Variants in CLSTN2 observed in about 807,000 individuals in gnomAD.
CLSTN2 encodes calsyntenin-2.
Under a neutral mutation model 101.2 loss-of-function variants are expected in CLSTN2, and 48 were observed. The observed-to-expected ratio is 0.47, with a 90% CI of 0.38 to 0.60. The LOEUF is 0.60. Ranked by LOEUF, CLSTN2 falls within the 20% of genes least tolerant of loss-of-function variation. The pLI is 0.00. For synonymous variants in CLSTN2, 481 were observed against 463.6 expected (o/e 1.04, Z -0.48); for missense variants, 1,160 against 1,238.2 (o/e 0.94, Z 0.95).
chr3:140,010,794 A>T (rs1241190321), intron 1 of CLSTN2, among the ~76,000 whole-genome samples: 1 of 152,262 alleles, frequency 6.6e-6, no homozygotes, highest in Non-Finnish European at 1.5e-5. Flanking sequence ...TTCATGTAGA[A>T]AATTTGAAAA....
intron 11 of CLSTN2, chr3:140,556,922 A>G: frequency 2.4e-6 from 1 of 409,798 alleles, no homozygotes; most frequent in Non-Finnish European, 4.4e-6. Flanking sequence ...ACTACTTTCT[A>G]TAAATTCTCA....
intron 1 of CLSTN2, among the ~76,000 whole-genome samples, chr3:140,052,324 A>G (rs2107768889): frequency 6.6e-6 from 1 of 152,224 alleles, no homozygotes; most frequent in Admixed American, 6.5e-5. Flanking sequence ...AAAACCAGCT[A>G]ATTTTTGTAT....
chr3:140,354,766 A>G (rs1401241290), intron 2 of CLSTN2, among the ~76,000 whole-genome samples: 1 of 152,236 alleles, frequency 6.6e-6, no homozygotes, highest in African/African-American at 2.4e-5. Context: ...TACCTTTTGT[A>G]TAAGACAGAC....
chr3:140,314,722 A>G (rs1242612623), intron 2 of CLSTN2, among the ~76,000 whole-genome samples: 1 of 152,172 alleles, frequency 6.6e-6, no homozygotes, highest in Non-Finnish European at 1.5e-5. Flanking sequence ...TTTTGAGTCT[A>G]ATAGTGGACA....
At chr3:140,371,475 T>C (rs1212515361) in intron 2 of CLSTN2, among the ~76,000 whole-genome samples, 1 of 152,168 alleles carries the variant, frequency 6.6e-6, no homozygotes, top group African/African-American at 2.4e-5. Context: ...CTGACCTTCC[T>C]CAGGGCTGGC....
chr3:140,424,875 T>G (rs1225557464), intron 5 of CLSTN2, among the ~76,000 whole-genome samples: 1 of 151,632 alleles, frequency 6.6e-6, no homozygotes, highest in African/African-American at 2.4e-5. Flanking sequence ...GAGGGGCCTG[T>G]GGTAGGGGAG....
At chr3:140,122,491 A>G (rs1286223219) in intron 1 of CLSTN2, among the ~76,000 whole-genome samples, 1 of 152,254 alleles carries the variant, frequency 6.6e-6, no homozygotes, top group Non-Finnish European at 1.5e-5. Flanking sequence ...GTTAGATAAT[A>G]AAGAATGCCT....
At chr3:140,244,019 A>G (rs2086493640) in intron 2 of CLSTN2, among the ~76,000 whole-genome samples, 3 of 152,174 alleles carry the variant, frequency 2.0e-5, no homozygotes, top group Admixed American at 2.0e-4. Flanking sequence ...CTCTCCTGTC[A>G]GGAGTTGTGT....
intron 4 of CLSTN2, among the ~76,000 whole-genome samples, chr3:140,415,649 G>A (rs902715102): frequency 3.3e-5 from 5 of 152,098 alleles, no homozygotes; most frequent in Non-Finnish European, 7.4e-5. Flanking sequence ...CCCTCAATGA[G>A]CTATCACCTC....
chr3:140,215,354 AAC>A (rs1453251073), intron 2 of CLSTN2, among the ~76,000 whole-genome samples: 1 of 152,238 alleles, frequency 6.6e-6, no homozygotes, highest in Non-Finnish European at 1.5e-5. Context: ...TTTGGAATAA[AAC>A]AGTTTCTTTG....
intron 2 of CLSTN2, among the ~76,000 whole-genome samples, chr3:140,224,515 G>C (rs1357126803): frequency 6.6e-6 from 1 of 152,146 alleles, no homozygotes; most frequent in Admixed American, 6.5e-5. Context: ...GTTCATGTGC[G>C]TGCAGGCTTT....
intron 2 of CLSTN2, among the ~76,000 whole-genome samples, chr3:140,227,725 G>A (rs1405220616): frequency 2.0e-5 from 3 of 152,218 alleles, no homozygotes; most frequent in African/African-American, 7.2e-5. Context: ...CTAAAGTCTA[G>A]GTTGAGGTTA....
chr3:140,499,900 T>G (rs1375232205), intron 8 of CLSTN2, among the ~76,000 whole-genome samples: 2 of 151,766 alleles, frequency 1.3e-5, no homozygotes, highest in African/African-American at 4.8e-5. Flanking sequence ...CCGTCTCTAC[T>G]AAAAAATACA....
At chr3:140,498,596 CA>C (rs1196893245) in intron 8 of CLSTN2, among the ~76,000 whole-genome samples, 1 of 152,192 alleles carries the variant, frequency 6.6e-6, no homozygotes, top group African/African-American at 2.4e-5. Context: ...TTTCACACGC[CA>C]TATGCAGTTT....
intron 1 of CLSTN2, among the ~76,000 whole-genome samples, chr3:140,071,086 G>A (rs1019162096): frequency 6.6e-6 from 1 of 152,036 alleles, no homozygotes; most frequent in Admixed American, 6.6e-5. Flanking sequence ...CACAGGAATA[G>A]ACAAATAGTT....
At chr3:140,555,623 G>A (rs1457691470) in intron 10 of CLSTN2, among the ~76,000 whole-genome samples, 1 of 152,194 alleles carries the variant, frequency 6.6e-6, no homozygotes, top group Non-Finnish European at 1.5e-5. Context: ...CCTGTGCCAT[G>A]AGCATTCGAT....
At chr3:140,149,644 A>G (rs1253526957) in intron 1 of CLSTN2, among the ~76,000 whole-genome samples, 1 of 152,054 alleles carries the variant, frequency 6.6e-6, no homozygotes, top group Admixed American at 6.6e-5. Flanking sequence ...TTTTTACTAG[A>G]GACAGGGTTC....
intron 2 of CLSTN2, among the ~76,000 whole-genome samples, chr3:140,295,266 CGCATTTCTTTGT>C (rs1164534482): frequency 6.6e-6 from 1 of 151,988 alleles, no homozygotes; most frequent in Non-Finnish European, 1.5e-5. Flanking sequence ...ATTTTCTTTG[CGCATTTCTTTGT>C]GGAAATATTG....
At chr3:140,503,228 C>G (rs1295334450) in intron 8 of CLSTN2, among the ~76,000 whole-genome samples, 1 of 152,178 alleles carries the variant, frequency 6.6e-6, no homozygotes, top group Non-Finnish European at 1.5e-5. Flanking sequence ...TCTGAAAAGT[C>G]CTTTTTGCTG....
Sources: allele counts gnomAD v4.1 joint callset (sites outside exome capture counted in the v4.1 genomes callset), GRCh38; gene constraint gnomAD v4.1.1; transcripts MANE v1.5; gene names NCBI Gene and HGNC (gene_info 2026-07-23, HGNC 2026-07-21).